SOX6: variants seen among roughly 807,000 people sequenced by gnomAD.
SOX6 encodes the protein SRY-box transcription factor 6.
Under a neutral mutation model 97.8 loss-of-function variants are expected in SOX6, and 11 were observed. The ratio of observed to expected loss-of-function variants is 0.11; its 90% confidence interval spans 0.07 to 0.19. SOX6 has a LOEUF of 0.19. Among genes scored for constraint, SOX6 ranks in the 10% least tolerant of loss-of-function variants. SOX6 has a pLI of 1.00. For missense variants in SOX6, 810 were observed against 1,039.5 expected, an observed-to-expected ratio of 0.78 and a Z score of 3.04; for synonymous variants, 360 against 371.4, an observed-to-expected ratio of 0.97 and a Z score of 0.35.
At chr11:16,247,039 T>A (rs182626343) in intron 3 of SOX6, among the ~76,000 whole-genome samples, 86 of 152,240 alleles carry the variant, frequency 5.6e-4, no homozygotes, top group African/African-American at 1.8e-3. Context: ...CCATCAACTA[T>A]CCCCATTTTA....
intron 13 of SOX6, 47 bp from the exon 14 acceptor site, chr11:15,989,277 T>C: frequency 6.7e-7 from 1 of 1,499,812 alleles, no homozygotes; most frequent in Non-Finnish European, 9.1e-7. Flanking sequence ...AAGCGTTATT[T>C]TGTGGATAAT....
At chr11:16,021,630 G>A (rs1053045109) in intron 12 of SOX6, among the ~76,000 whole-genome samples, 1 of 152,072 alleles carries the variant, frequency 6.6e-6, no homozygotes, top group Non-Finnish European at 1.5e-5. Context: ...TTGGCTGGAG[G>A]AAATGAGGTT....
At chr11:16,039,626 T>C (rs568446807) in intron 12 of SOX6, among the ~76,000 whole-genome samples, 2 of 152,064 alleles carry the variant, frequency 1.3e-5, no homozygotes, top group Non-Finnish European at 2.9e-5. Flanking sequence ...GATACCAGAA[T>C]CAAGCAGTAT....
chr11:16,102,205 C>A (rs896211219), intron 7 of SOX6, among the ~76,000 whole-genome samples: 3 of 151,870 alleles, frequency 2.0e-5, no homozygotes, highest in Non-Finnish European at 4.4e-5. Context: ...AATTAATGTA[C>A]ACAACGTAGT....
chr11:16,682,723 G>GGCT (rs1223005108), intron 3 of SOX6, among the ~76,000 whole-genome samples: 2 of 152,146 alleles, frequency 1.3e-5, no homozygotes, highest in African/African-American at 4.8e-5. Context: ...GCATAGTGTT[G>GGCT]GAAGTTCTGG....
chr11:16,245,675 A>C (rs1282337320), intron 3 of SOX6, among the ~76,000 whole-genome samples: 1 of 151,684 alleles, frequency 6.6e-6, no homozygotes, highest in Non-Finnish European at 1.5e-5. Flanking sequence ...TGAACCTTTA[A>C]TCATTATGAA....
chr11:16,033,135 C>T (rs1855425807), intron 12 of SOX6, among the ~76,000 whole-genome samples: 1 of 152,176 alleles, frequency 6.6e-6, no homozygotes, highest in African/African-American at 2.4e-5. Flanking sequence ...TAGCACCTAA[C>T]ACCTAACCCA....
At chr11:16,511,581 C>T (rs1860880452) in intron 4 of SOX6, among the ~76,000 whole-genome samples, 1 of 152,004 alleles carries the variant, frequency 6.6e-6, no homozygotes, top group Admixed American at 6.6e-5. Context: ...GAGTAGAATG[C>T]TGGCAAAGCA....
At chr11:16,258,120 C>A (rs958841209) in intron 3 of SOX6, among the ~76,000 whole-genome samples, 7 of 144,050 alleles carry the variant, frequency 4.9e-5, no homozygotes, top group Non-Finnish European at 6.1e-5. Flanking sequence ...CATGGAAATG[C>A]AAAATAGTAC....
At chr11:16,292,563 C>A (rs989912079) in intron 3 of SOX6, among the ~76,000 whole-genome samples, 3 of 152,086 alleles carry the variant, frequency 2.0e-5, no homozygotes, top group African/African-American at 7.2e-5. Context: ...AAAATGTAAT[C>A]TCTAAACTGA....
chr11:16,181,598 GT>G (rs1006327021), intron 6 of SOX6, among the ~76,000 whole-genome samples: 4 of 149,688 alleles, frequency 2.7e-5, no homozygotes, highest in Non-Finnish European at 5.9e-5. Flanking sequence ...TCAAATACCT[GT>G]TTTGTAAGTC....
chr11:16,512,798 C>A (rs537962299), intron 4 of SOX6, among the ~76,000 whole-genome samples: 2 of 152,142 alleles, frequency 1.3e-5, no homozygotes, highest in African/African-American at 4.8e-5. Context: ...GTAAAAAACT[C>A]AAGTAAATAA....
At chr11:16,239,495 T>C (rs1424052824) in intron 3 of SOX6, among the ~76,000 whole-genome samples, 1 of 152,042 alleles carries the variant, frequency 6.6e-6, no homozygotes, top group Non-Finnish European at 1.5e-5. Flanking sequence ...TACGAATCAC[T>C]AACAAACTCT....
chr11:16,215,622 GAAT>G (rs1852351919), intron 4 of SOX6, among the ~76,000 whole-genome samples: 1 of 151,964 alleles, frequency 6.6e-6, no homozygotes, highest in African/African-American at 2.4e-5. Context: ...TAGAAAGCCA[GAAT>G]AATATGAAAT....
At chr11:16,015,252 C>A in intron 12 of SOX6, 1 of 592,696 alleles carries the variant, frequency 1.7e-6, no homozygotes, top group Non-Finnish European at 3.0e-6. Context: ...GACCATAGTA[C>A]CTGTAGGGAA....
chr11:16,156,250 A>G (rs944614214), intron 6 of SOX6, among the ~76,000 whole-genome samples: 1 of 151,926 alleles, frequency 6.6e-6, no homozygotes, highest in South Asian at 2.1e-4. Context: ...CTCATGCTTG[A>G]ACCTTCCAGA....
At chr11:16,622,622 G>A (rs548367167) in intron 3 of SOX6, among the ~76,000 whole-genome samples, 2 of 152,288 alleles carry the variant, frequency 1.3e-5, no homozygotes, top group South Asian at 2.1e-4. Flanking sequence ...TGACTGAGTA[G>A]TATTCCATCA....
intron 12 of SOX6, among the ~76,000 whole-genome samples, chr11:16,036,707 A>G (rs527320146): frequency 6.6e-6 from 1 of 152,314 alleles, no homozygotes; most frequent in East Asian, 1.9e-4. Flanking sequence ...GTCTGCAGAA[A>G]GTTCAGATAG....
intron 1 of SOX6, among the ~76,000 whole-genome samples, chr11:16,364,818 C>T (rs1320007507): frequency 6.6e-6 from 1 of 152,062 alleles, no homozygotes; most frequent in Non-Finnish European, 1.5e-5. Context: ...AATATCAAAA[C>T]TTTGGAGTCA....
Sources: allele counts gnomAD v4.1 joint callset (sites outside exome capture counted in the v4.1 genomes callset), GRCh38; gene constraint gnomAD v4.1.1; transcripts MANE v1.5; gene names NCBI Gene and HGNC (gene_info 2026-07-23, HGNC 2026-07-21).